The following CDC42EP4 variants were observed in gnomAD, a reference collection of about 807,000 sequenced individuals.
The protein encoded by CDC42EP4 is CDC42 effector protein 4, also known as CDC42 effector protein (Rho GTPase binding) 4.
Under a neutral mutation model 5.6 loss-of-function variants are expected in CDC42EP4, and 6 were observed. That is an observed-to-expected ratio of 1.07 (90% CI 0.59 to 2.12). The LOEUF is 2.12. Among genes scored for constraint, CDC42EP4 ranks in the 30% most tolerant of loss-of-function variants. The pLI, the probability that CDC42EP4 is intolerant of heterozygous loss-of-function variation, is 0.00. For synonymous variants in CDC42EP4, 230 were observed against 224.2 expected, an observed-to-expected ratio of 1.03 and a Z score of -0.23; for missense variants, 490 against 508.6, an observed-to-expected ratio of 0.96 and a Z score of 0.35.
At chr17:73,306,506 A>G (rs1205555078) in intron 1 of CDC42EP4, among the ~76,000 whole-genome samples, 1 of 152,186 alleles carries the variant, frequency 6.6e-6, no homozygotes, top group Non-Finnish European at 1.5e-5. Context: ...GTCTCAAAAC[A>G]AAAAAATAAT....
intron 1 of CDC42EP4, among the ~76,000 whole-genome samples, chr17:73,305,008 C>T (rs999015372): frequency 6.6e-6 from 1 of 152,140 alleles, no homozygotes; most frequent in African/African-American, 2.4e-5. Flanking sequence ...AGGCTTCAGG[C>T]CAGGGGAGAA....
At position 73,296,543 on chromosome 17, in the gene CDC42EP4, C is replaced by T. The variant is rs555132904; in HGVS notation, c.-112-9931G>A. On this transcript the variant is annotated intron_variant, in intron 1 of 1. Transcript: ENST00000335793. The stretch of plus-strand genomic sequence containing the variant: ...ATTCAGCAGTCATGGAAAGTGGGAA[C>T]TATGAAGACCATAGACAACATGGAC... 3.9e-5 allele frequency among the ~76,000 whole-genome samples: 6 copies of T among 152,132 alleles called. No homozygotes were observed. The East Asian group carries it at 1.2e-3, about 29-fold the overall frequency.
Position 73,286,010 on chromosome 17 carries a change from G to C in CDC42EP4, c.491C>G (p.Pro164Arg), listed in dbSNP as rs1568339619. The change falls in exon 2 of 2, where the codon CCC becomes CGC. Residue 164 changes from proline to arginine, a missense_variant. Transcript: ENST00000335793. The surrounding 1 kb of genome is among the most constrained non-coding windows in gnomAD (Gnocchi z 7.7). ...TGGACCCGCGGCCCCATTCCGACGG[G>C]GCACTGCCTCCTCCGTGCCCGCCTC... ...DEEAGTEEAVPRRNGAAGPHS... is the reference protein window; with the variant it reads ...DEEAGTEEAVRRRNGAAGPHS... 1 of 1,613,610 alleles carries C rather than the reference G, an allele frequency of 6.2e-7. No homozygotes were observed. Among genetic ancestry groups the C allele is most frequent in the Non-Finnish European group, 8.5e-7 (1 of 1,179,914 alleles).
rs1599428762 is a variant in CDC42EP4 at position 73,286,758 on chromosome 17, C to T, written c.-112-146G>A. 2 of 473,824 alleles carry T rather than the reference C, an allele frequency of 4.2e-6. No individual in the cohort carries two copies. The highest frequency in any genetic ancestry group is 6.5e-5 in the East Asian group (2 of 30,988). 29.4% of individuals were successfully genotyped at this position (473,824 alleles called of 1,614,324 possible). A position where few individuals can be genotyped will look rare whatever the true frequency, so the allele number is the denominator to read the frequency against. On this transcript the variant is annotated intron_variant, in intron 1 of 1. Transcript: ENST00000335793. This position sits in a 1 kb window ranked among gnomAD's most constrained non-coding sequence, Gnocchi z 7.7. The stretch of plus-strand genomic sequence containing the variant: ...ATAAGCCAGCAATCCATGGTATAAC[C>T]CTGCCTGTTTCTTCATCCGCAGGCA...
intron 1 of CDC42EP4, among the ~76,000 whole-genome samples, chr17:73,287,258 C>G (rs979877537): frequency 2.0e-5 from 3 of 152,216 alleles, no homozygotes; most frequent in African/African-American, 7.2e-5. Context: ...CCCAGCCTTT[C>G]AGCCTTCGCT....
chr17:73,309,444 CAT>C (rs1177557196), intron 1 of CDC42EP4, among the ~76,000 whole-genome samples: 2 of 152,178 alleles, frequency 1.3e-5, no homozygotes, highest in Admixed American at 6.5e-5. Context: ...GACCTTTATA[CAT>C]GAGACCTCCC....
Position 73,284,745 on chromosome 17 carries a change from T to G in CDC42EP4, c.*685A>C, listed in dbSNP as rs1008154034. On this transcript the variant is annotated 3_prime_UTR_variant, in exon 2 of 2. Coordinates refer to ENST00000335793, the MANE Select transcript of CDC42EP4 (RefSeq NM_012121.5). ...GCGAGTGCCCTAGCCCTGTTCCTAG[T>G]GTCATCCTGGAAGGGTCCCTTCTTG... The G allele has an allele frequency of 6.6e-6, 1 of 152,174 alleles. No individual in the cohort carries two copies. The highest frequency in any genetic ancestry group is 2.4e-5 in the African/African-American group (1 of 41,426). 9.4% of individuals were successfully genotyped at this position (152,174 alleles called of 1,614,324 possible).
intron 1 of CDC42EP4, among the ~76,000 whole-genome samples, chr17:73,293,861 A>G (rs954358117): frequency 6.6e-6 from 1 of 152,180 alleles, no homozygotes; most frequent in East Asian, 1.9e-4. Flanking sequence ...CCGCTTAGAT[A>G]CACGTGGTTA....
At chr17:73,293,960 C>T (rs1242376600) in intron 1 of CDC42EP4, among the ~76,000 whole-genome samples, 4 of 152,204 alleles carry the variant, frequency 2.6e-5, no homozygotes, top group South Asian at 2.1e-4. Context: ...CTTCATGTGC[C>T]CTGCTCAAAA....
chr17:73,305,461 G>A (rs1323898000), intron 1 of CDC42EP4, among the ~76,000 whole-genome samples: 2 of 152,176 alleles, frequency 1.3e-5, no homozygotes, highest in African/African-American at 2.4e-5. Context: ...CCTAAGAGCC[G>A]GGTGCTCAGC....
chr17:73,291,685 G>A (rs2062161955), intron 1 of CDC42EP4, among the ~76,000 whole-genome samples: 1 of 152,096 alleles, frequency 6.6e-6, no homozygotes, highest in South Asian at 2.1e-4. Flanking sequence ...CCTGCCTTGG[G>A]CGGGACACCC....
Position 73,286,415 on chromosome 17 carries a change from G to T in CDC42EP4, c.86C>A (p.Ala29Asp), listed in dbSNP as rs775295777. The change falls in exon 2 of 2, where the codon GCC becomes GAC. Residue 29 changes from alanine (A) to aspartate (D), a missense_variant. Transcript: ENST00000335793. This position sits in a 1 kb window ranked among gnomAD's most constrained non-coding sequence, Gnocchi z 7.7. ...RADLTAEMISAPLGDFRHTMH... is the reference protein window; with the variant it reads ...RADLTAEMISDPLGDFRHTMH... ...GGTGTGGCGGAAGTCGCCCAGCGGG[G>T]CGCTGATCATCTCGGCCGTGAGGTC... is the stretch of plus-strand genomic sequence containing the variant. 2 of 1,613,768 alleles carry T rather than the reference G, an allele frequency of 1.2e-6. No individual in the cohort carries two copies. Among genetic ancestry groups the T allele is most frequent in the Non-Finnish European group, 1.7e-6 (2 of 1,179,882 alleles).
At chr17:73,298,703 G>A (rs745506277) in intron 1 of CDC42EP4, among the ~76,000 whole-genome samples, 1 of 150,778 alleles carries the variant, frequency 6.6e-6, no homozygotes, top group African/African-American at 2.5e-5. Flanking sequence ...GCACTAAAGT[G>A]AGTCTTAGCT....
At chr17:73,290,634 AG>A (rs1335906150) in intron 1 of CDC42EP4, among the ~76,000 whole-genome samples, 1 of 152,236 alleles carries the variant, frequency 6.6e-6, no homozygotes, top group Non-Finnish European at 1.5e-5. Context: ...GAGAAACAGC[AG>A]CCTTGAGTGA....
At chr17:73,293,326 TG>T (rs2062170238) in intron 1 of CDC42EP4, among the ~76,000 whole-genome samples, 1 of 152,108 alleles carries the variant, frequency 6.6e-6, no homozygotes, top group Non-Finnish European at 1.5e-5. Flanking sequence ...TCAAAGAGGA[TG>T]GAGACCAGGA....
In CDC42EP4 at chr17:73,286,204, C is replaced by T. The variant is rs1345769133; in HGVS notation, c.297G>A (p.Gln99=). 1.2e-6 allele frequency: 2 copies of T among 1,614,192 alleles called. No individual in the cohort carries two copies. The highest frequency in any genetic ancestry group is 2.2e-5 in the South Asian group (2 of 91,086). ...SQSVTRGERE[Q]RDMLGSLRDS... The stretch of plus-strand genomic sequence containing the variant: ...CCCGCAGGGAGCCCAGCATGTCACG[C>T]TGCTCCCGCTCCCCCCTGGTCACCG... The change falls in exon 2 of 2, where the codon CAG becomes CAA. Residue 99 remains glutamine, a synonymous_variant. Transcript: ENST00000335793. This position sits in a 1 kb window ranked among gnomAD's most constrained non-coding sequence, Gnocchi z 7.7.
At chr17:73,297,157 G>A (rs778808604) in intron 1 of CDC42EP4, among the ~76,000 whole-genome samples, 5 of 144,488 alleles carry the variant, frequency 3.5e-5, no homozygotes, top group Non-Finnish European at 7.7e-5. Context: ...AGCCAGGTGT[G>A]GTGGCAGGCG....
chr17:73,304,913 C>A (rs2145327239), intron 1 of CDC42EP4, among the ~76,000 whole-genome samples: 1 of 152,318 alleles, frequency 6.6e-6, no homozygotes, highest in Non-Finnish European at 1.5e-5. Context: ...TCCTTGTGGG[C>A]TGGGAACCAG....
chr17:73,305,844 G>A (rs923330575), intron 1 of CDC42EP4, among the ~76,000 whole-genome samples: 2 of 152,166 alleles, frequency 1.3e-5, no homozygotes, highest in Non-Finnish European at 2.9e-5. Context: ...ACAGTGAAAC[G>A]TGGGCTGAGA....
Sources: allele counts gnomAD v4.1 joint callset (sites outside exome capture counted in the v4.1 genomes callset), GRCh38; gene constraint gnomAD v4.1.1; non-coding constraint Gnocchi (gnomAD v3.1); transcripts MANE v1.5; gene names NCBI Gene and HGNC (gene_info 2026-07-23, HGNC 2026-07-21).